The following RAB11FIP3 variants were observed in gnomAD, a reference collection of about 807,000 sequenced individuals.
RAB11FIP3 encodes rab11 family-interacting protein 3.
In RAB11FIP3, 17 loss-of-function variants were observed where a neutral mutation model predicts 77.8. The observed-to-expected ratio is 0.22, with a 90% CI of 0.15 to 0.33. The LOEUF is 0.33. Among genes scored for constraint, RAB11FIP3 ranks in the 10% least tolerant of loss-of-function variants. RAB11FIP3 has a pLI of 1.00. For missense variants in RAB11FIP3, 1,005 were observed against 1,011.2 expected (o/e 0.99, Z 0.08); for synonymous variants, 437 against 448.2 (o/e 0.98, Z 0.31).
chr16:505,621 T>A lies in RAB11FIP3; in HGVS notation c.1493T>A (p.Val498Glu), dbSNP rs753129949. 1.9e-6 allele frequency: 3 copies of A among 1,596,198 alleles called. No homozygotes were observed. The highest frequency in any genetic ancestry group is 2.5e-6 in the Non-Finnish European group (3 of 1,177,556). The change falls in exon 8 of 14, where the codon GTG becomes GAG. Residue 498 changes from valine (V) to glutamate (E), a missense_variant. This residue lies in a region of RAB11FIP3 where 433 missense variants were observed against 436.1 expected (regional missense o/e 0.99). Transcript: ENST00000262305. This position sits in a 1 kb window ranked among gnomAD's most constrained non-coding sequence, Gnocchi z 4.0. Reference sequence around the variant, plus strand: ...CTGAGGCAGGAGAACCTGCAGCTGGTGCACAGGTGAGCCTGGGCCAGGAGA... The same window carrying A: ...CTGAGGCAGGAGAACCTGCAGCTGGAGCACAGGTGAGCCTGGGCCAGGAGA... ...SRLRQENLQL[V>E]HRANALEEQL...
At chr16:520,092 C>T (rs934803468) in intron 11 of RAB11FIP3, 30 bp from the exon 12 acceptor site, 1 of 1,541,072 alleles carries the variant, frequency 6.5e-7, no homozygotes. Context: ...GAGCCCAGGC[C>T]CCCCGGCTCA....
At chr16:427,066 C>T (rs543450246) in intron 1 of RAB11FIP3, among the ~76,000 whole-genome samples, 1 of 152,158 alleles carries the variant, frequency 6.6e-6, no homozygotes, top group East Asian at 1.9e-4. Context: ...TCGACGTGCC[C>T]CTGAATGAAG....
At chr16:453,072 T>A (rs1475221276) in intron 1 of RAB11FIP3, among the ~76,000 whole-genome samples, 4 of 112,156 alleles carry the variant, frequency 3.6e-5, no homozygotes, top group South Asian at 6.4e-4. Context: ...TATTTTTTAA[T>A]TTTTTTTTAT....
Position 461,164 on chromosome 16 carries a change from C to T in RAB11FIP3, c.715-240C>T, listed in dbSNP as rs1023333674. ...TCCGGCGTTAGAGTCTCATAAGGAG[C>T]GCGCAACCTGGACCCCTCGCATGCG... On this transcript the variant is annotated intron_variant, in intron 1 of 13. Transcript: ENST00000262305. This position sits in a 1 kb window ranked among gnomAD's most constrained non-coding sequence, Gnocchi z 4.5. Among the ~76,000 whole-genome samples the T allele has an allele frequency of 4.6e-5, 7 of 152,132 alleles. No individual in the cohort carries two copies. In the East Asian group the frequency reaches 9.6e-4, roughly 21 times the overall value.
At position 426,617 on chromosome 16, in the gene RAB11FIP3, G is replaced by C. The variant is rs748822573; in HGVS notation, c.611G>C (p.Gly204Ala). 1 of 1,592,476 alleles carries C rather than the reference G, an allele frequency of 6.3e-7. No individual in the cohort carries two copies. ...GAGCCCGTGGGGAGTCAGGAGGACG[G>C]CCCCCGCCTCCGAGCCGTGTTCGAT... is the stretch of plus-strand genomic sequence containing the variant. ...PSEPVGSQED[G>A]PRLRAVFDAL... The change falls in exon 1 of 14, where the codon GGC becomes GCC. Residue 204 changes from glycine to alanine, a missense_variant. Gly to Ala is a moderately conservative substitution (Grantham distance 60). Coordinates refer to ENST00000262305, the MANE Select transcript of RAB11FIP3 (RefSeq NM_014700.4). The surrounding 1 kb of genome is among the most constrained non-coding windows in gnomAD (Gnocchi z 5.0).
chr16:455,065 A>C (rs1189733145), intron 1 of RAB11FIP3, among the ~76,000 whole-genome samples: 1 of 149,864 alleles, frequency 6.7e-6, no homozygotes, highest in African/African-American at 2.4e-5. Flanking sequence ...AAAAAACAAA[A>C]AAACTAGGCT....
chr16:495,656 C>A (rs1180845055), intron 5 of RAB11FIP3, among the ~76,000 whole-genome samples: 3 of 152,192 alleles, frequency 2.0e-5, no homozygotes, highest in African/African-American at 7.2e-5. Context: ...GCTAAGGGCC[C>A]AGCTCTGTTT....
At chr16:450,864 G>C (rs1438207259) in intron 1 of RAB11FIP3, among the ~76,000 whole-genome samples, 8 of 106,904 alleles carry the variant, frequency 7.5e-5, no homozygotes, top group African/African-American at 3.0e-4. Flanking sequence ...CCACCCTTAG[G>C]AGCTGCTCAC....
At chr16:455,510 C>T (rs994091844) in intron 1 of RAB11FIP3, among the ~76,000 whole-genome samples, 14 of 151,952 alleles carry the variant, frequency 9.2e-5, no homozygotes, top group African/African-American at 3.4e-4. Flanking sequence ...CGCGCACACT[C>T]TCACAAGCAC....
chr16:463,435 T>G (rs1236260432), intron 2 of RAB11FIP3, among the ~76,000 whole-genome samples: 1 of 141,320 alleles, frequency 7.1e-6, no homozygotes, highest in Non-Finnish European at 1.5e-5. Context: ...CCCCGGTTTT[T>G]TTTTTTTTTT....
Position 459,431 on chromosome 16 carries a change from CTT to C in RAB11FIP3, c.715-1953_715-1952del, listed in dbSNP as rs56705738. Among the ~76,000 whole-genome samples the C allele has an allele frequency of 1.6e-3, 183 of 117,386 alleles. 1 individual carries two copies. The highest frequency in any genetic ancestry group is 7.6e-3 in the South Asian group (26 of 3,420). The allele number at this position is 117,386 out of a possible 152,430, so 77.0% of individuals were successfully genotyped here. On this transcript the variant is annotated intron_variant, in intron 1 of 13. Coordinates refer to ENST00000262305, the MANE Select transcript of RAB11FIP3 (RefSeq NM_014700.4). ...GTGAACCACCACACCCAGCTTCAAA[CTT>C]TTTTTTTTTTTTTTTTTTTAGCAGA... is the stretch of plus-strand genomic sequence containing the variant.
intron 5 of RAB11FIP3, among the ~76,000 whole-genome samples, chr16:489,493 T>C (rs1419307620): frequency 6.6e-6 from 1 of 152,214 alleles, no homozygotes; most frequent in Non-Finnish European, 1.5e-5. Context: ...TCCAGAGTCC[T>C]CTTGGCTTGG....
chr16:449,027 C>G (rs2055364406), intron 1 of RAB11FIP3, among the ~76,000 whole-genome samples: 1 of 151,998 alleles, frequency 6.6e-6, no homozygotes. Context: ...AATAATGGCT[C>G]CCAAAGATAG....
intron 3 of RAB11FIP3, among the ~76,000 whole-genome samples, chr16:480,444 C>T (rs1252176012): frequency 2.0e-5 from 3 of 152,016 alleles, no homozygotes; most frequent in African/African-American, 7.2e-5. Context: ...CCTGCTTCAG[C>T]CTCCTGAGTA....
intron 4 of RAB11FIP3, 56 bp downstream of exon 4, chr16:482,792 A>G (rs1042624065): frequency 2.0e-6 from 3 of 1,519,812 alleles, no homozygotes; most frequent in Non-Finnish European, 1.8e-6. Context: ...CACCCTGTGG[A>G]GGTGTCTGAT....
At chr16:453,185 G>T (rs183142872) in intron 1 of RAB11FIP3, among the ~76,000 whole-genome samples, 68 of 149,988 alleles carry the variant, frequency 4.5e-4, no homozygotes, top group African/African-American at 1.6e-3. Context: ...AGTGATTCTC[G>T]TGCCTCAGCC....
intron 1 of RAB11FIP3, among the ~76,000 whole-genome samples, chr16:457,448 G>A (rs979567385): frequency 2.0e-5 from 3 of 151,704 alleles, no homozygotes; most frequent in Admixed American, 6.6e-5. Context: ...CTCTTGGCTC[G>A]GTTTTCTGCC....
At chr16:480,286 C>CAAAAAAAAGAAAAAA (rs752259728) in intron 3 of RAB11FIP3, among the ~76,000 whole-genome samples, 2,238 of 79,926 alleles carry the variant, frequency 0.028, 138 homozygotes, top group East Asian at 0.14. Context: ...ACTCCTTCTC[C>CAAAAAAAAGAAAAAA]AAAAAAAAAA....
At chr16:446,728 C>T (rs2055322997) in intron 1 of RAB11FIP3, among the ~76,000 whole-genome samples, 1 of 152,060 alleles carries the variant, frequency 6.6e-6, no homozygotes, top group African/African-American at 2.4e-5. Flanking sequence ...CGCACTCTCG[C>T]TCTGTCGCCC....
Sources: allele counts gnomAD v4.1 joint callset (sites outside exome capture counted in the v4.1 genomes callset), GRCh38; gene constraint gnomAD v4.1.1; regional missense constraint gnomAD v4.1.1; non-coding constraint Gnocchi (gnomAD v3.1); transcripts MANE v1.5; gene names NCBI Gene and HGNC (gene_info 2026-07-23, HGNC 2026-07-21).